Variants in MBNL2 observed in about 807,000 individuals in gnomAD.
MBNL2 encodes muscleblind like splicing regulator 2.
In MBNL2, 17 loss-of-function variants were observed where a neutral mutation model predicts 41.9. The ratio of observed to expected loss-of-function variants is 0.41; its 90% CI spans 0.28 to 0.61. The LOEUF is 0.61. Ranked by LOEUF, MBNL2 falls within the 20% of genes least tolerant of loss-of-function variation. The pLI, the probability that MBNL2 is intolerant of heterozygous loss-of-function variation, is 0.35. For missense variants in MBNL2, 336 were observed against 505.6 expected (o/e 0.66, Z 3.22); for synonymous variants, 195 against 182.9 (o/e 1.07, Z -0.53).
At chr13:97,281,396 A>G (rs2053396558) in intron 2 of MBNL2, among the ~76,000 whole-genome samples, 1 of 152,234 alleles carries the variant, frequency 6.6e-6, no homozygotes, top group African/African-American at 2.4e-5. Flanking sequence ...ATAATACAAC[A>G]TTGACAAATT....
intron 1 of MBNL2, among the ~76,000 whole-genome samples, chr13:97,224,182 C>T (rs2041238128): frequency 6.6e-6 from 1 of 152,314 alleles, no homozygotes; most frequent in South Asian, 2.1e-4. Flanking sequence ...CAGCCCAGCG[C>T]TGCCACCTGG....
At chr13:97,184,118 T>C in the MBNL2 span, among the ~76,000 whole-genome samples, 1 of 152,204 alleles carries the variant, frequency 6.6e-6, no homozygotes, top group East Asian at 1.9e-4. Flanking sequence ...TGAATGGAAG[T>C]ATCTTTCCCA....
At chr13:97,166,782 T>TGATAGATAGATAGATAGATA in the MBNL2 span, among the ~76,000 whole-genome samples, 2 of 139,978 alleles carry the variant, frequency 1.4e-5, no homozygotes, top group East Asian at 2.1e-4. Flanking sequence ...AAACTTCCCT[T>TGATAGATAGATAGATAGATA]GATAGATAGA....
the MBNL2 span, among the ~76,000 whole-genome samples, chr13:97,182,756 G>A: frequency 1.8e-4 from 27 of 152,286 alleles, no homozygotes; most frequent in African/African-American, 5.5e-4. Flanking sequence ...AAGGGCACAC[G>A]TAGATTTTTG....
chr13:97,377,526 T>C (rs149850628), intron 8 of MBNL2, among the ~76,000 whole-genome samples: 70 of 152,302 alleles, frequency 4.6e-4, no homozygotes, highest in African/African-American at 1.6e-3. Context: ...CTTGAAGAAG[T>C]CAAACCTAAT....
At chr13:97,271,112 G>GTTTTTTTTT (rs369155404) in intron 1 of MBNL2, among the ~76,000 whole-genome samples, 4 of 133,396 alleles carry the variant, frequency 3.0e-5, no homozygotes, top group South Asian at 2.3e-4. Flanking sequence ...GCTCTTTTTT[G>GTTTTTTTTT]TTTTTTTTTT....
the MBNL2 span, among the ~76,000 whole-genome samples, chr13:97,198,838 A>C: frequency 6.6e-6 from 1 of 152,108 alleles, no homozygotes; most frequent in South Asian, 2.1e-4. Context: ...CCACTGCTCC[A>C]ATCCAAGCCA....
Position 97,276,108 on chromosome 13 carries a change from C to T in MBNL2, c.-128C>T, listed in dbSNP as rs1028234687. On this transcript the variant is annotated 5_prime_UTR_variant, in exon 2 of 9. Transcript: ENST00000679496. Reference sequence around the variant, plus strand: ...ATCCTGTTCCTTGGATTGGACTTCACTAAGCAATTTATCACTCACCTTCAG... The same window carrying T: ...ATCCTGTTCCTTGGATTGGACTTCATTAAGCAATTTATCACTCACCTTCAG... 5.8e-6 allele frequency: 4 copies of T among 695,208 alleles called. No individual in the cohort carries two copies. Among genetic ancestry groups the T allele is most frequent in the Admixed American group, 2.5e-5 (1 of 40,632 alleles). The allele number at this position is 695,208 out of a possible 1,614,324, so 43.1% of individuals were successfully genotyped here.
chr13:97,257,901 C>T (rs1188744457), intron 1 of MBNL2, among the ~76,000 whole-genome samples: 2 of 152,212 alleles, frequency 1.3e-5, no homozygotes, highest in African/African-American at 2.4e-5. Context: ...GTGATTTCGC[C>T]TTTCTCCCCA....
intron 2 of MBNL2, among the ~76,000 whole-genome samples, chr13:97,300,212 C>T (rs1473864205): frequency 6.6e-6 from 1 of 152,200 alleles, no homozygotes; most frequent in Non-Finnish European, 1.5e-5. Flanking sequence ...CAACAGCCAT[C>T]TCTTACAGCA....
chr13:97,211,824 CAT>C, the MBNL2 span, among the ~76,000 whole-genome samples: 2 of 152,154 alleles, frequency 1.3e-5, no homozygotes, highest in Non-Finnish European at 2.9e-5. Context: ...AAACATAGCA[CAT>C]GTCCTTGGGA....
At chr13:97,373,818 G>C (rs2064651490) in intron 8 of MBNL2, among the ~76,000 whole-genome samples, 1 of 151,998 alleles carries the variant, frequency 6.6e-6, no homozygotes, top group South Asian at 2.1e-4. Context: ...AAATGCATCT[G>C]CAGATTCTCT....
At chr13:97,191,176 G>T in the MBNL2 span, among the ~76,000 whole-genome samples, 1 of 151,760 alleles carries the variant, frequency 6.6e-6, no homozygotes, top group African/African-American at 2.4e-5. Context: ...CTTGCAAATT[G>T]GTTGTGAGGC....
rs1432801318 is a variant in MBNL2, at chr13:97,392,821, T to C, written c.*1372T>C. The C allele has an allele frequency of 1.3e-5, 2 of 152,468 alleles. No individual in the cohort carries two copies. Among genetic ancestry groups the C allele is most frequent in the Non-Finnish European group, 2.9e-5 (2 of 67,922 alleles). The allele number at this position is 152,468 out of a possible 1,614,324, so 9.4% of individuals were successfully genotyped here. A position where few individuals can be genotyped will look rare whatever the true frequency, so the allele number is the denominator to read the frequency against. On this transcript the variant is annotated 3_prime_UTR_variant, in exon 9 of 9. Transcript: ENST00000679496. ...TAAAAAACAAAACAGCTGTTATAAA[T>C]GAATATTATGTGTAATTGTTTCAAA...
chr13:97,359,352 C>G (rs1187641981), intron 7 of MBNL2, among the ~76,000 whole-genome samples: 1 of 151,978 alleles, frequency 6.6e-6, no homozygotes, highest in Non-Finnish European at 1.5e-5. Context: ...ATGGATGTTA[C>G]TGCCATTACC....
At chr13:97,217,884 G>T (rs1472578789), upstream of MBNL2, among the ~76,000 whole-genome samples, 2 of 152,148 alleles carry the variant, frequency 1.3e-5, no homozygotes, top group African/African-American at 2.4e-5. Flanking sequence ...GGGCCCAACA[G>T]TAAAGATGGA....
rs1443858965 is a variant in MBNL2 at position 97,293,257 on chromosome 13, T to A, written c.174+16848T>A. ...TTTTTGTTAAATAATATTCTCACTT[T>A]TGTTATTTTCTAGTTTGCTTGACTG... On this transcript the variant is annotated intron_variant, in intron 2 of 8. Coordinates refer to ENST00000679496, the MANE Select transcript of MBNL2 (RefSeq NM_001382683.1). Among the ~76,000 whole-genome samples, 4 of 152,228 alleles carry A rather than the reference T, an allele frequency of 2.6e-5. No individual in the cohort carries two copies. In the East Asian group the frequency reaches 7.7e-4, roughly 29 times the overall value.
the MBNL2 span, among the ~76,000 whole-genome samples, chr13:97,162,742 A>T: frequency 2.6e-5 from 4 of 152,240 alleles, no homozygotes; most frequent in East Asian, 5.8e-4. Context: ...TCATCTGTGC[A>T]TACTGCTCAC....
At chr13:97,222,240 C>T (rs2040922177), upstream of MBNL2, 1 of 394,558 alleles carries the variant, frequency 2.5e-6, no homozygotes, top group East Asian at 3.6e-5. Context: ...CAGTTTCAGA[C>T]GAGTAGGGCT....
Sources: allele counts gnomAD v4.1 joint callset (sites outside exome capture counted in the v4.1 genomes callset), GRCh38; gene constraint gnomAD v4.1.1; transcripts MANE v1.5; gene names NCBI Gene and HGNC (gene_info 2026-07-23, HGNC 2026-07-21).